DAPK2: variants seen among roughly 807,000 people sequenced by gnomAD.
DAPK2 encodes death associated protein kinase 2.
In DAPK2, 35 loss-of-function variants were observed where a neutral mutation model predicts 44.1. That is an observed-to-expected ratio of 0.79 (90% CI 0.61 to 1.05). The LOEUF is 1.05. DAPK2 is among the 50% of genes least tolerant of loss of function. The pLI is 0.00. For missense variants in DAPK2, 453 were observed against 483.2 expected (o/e 0.94, Z 0.59); for synonymous variants, 174 against 182.6 (o/e 0.95, Z 0.38).
intron 1 of DAPK2, among the ~76,000 whole-genome samples, chr15:63,994,250 G>C (rs1226673188): frequency 6.6e-6 from 1 of 152,130 alleles, no homozygotes; most frequent in Non-Finnish European, 1.5e-5. Flanking sequence ...GCCAGTGTTT[G>C]TAGAAATGAT....
intron 1 of DAPK2, among the ~76,000 whole-genome samples, chr15:64,026,772 T>C (rs577635780): frequency 6.6e-6 from 1 of 152,332 alleles, no homozygotes; most frequent in Non-Finnish European, 1.5e-5. Context: ...ATGTATACTC[T>C]ATTTCTCAGA....
chr15:64,033,270 AGGGGG>A (rs1567287375), intron 1 of DAPK2, among the ~76,000 whole-genome samples: 28 of 20,728 alleles, frequency 1.4e-3, no homozygotes, highest in Non-Finnish European at 3.2e-4. Flanking sequence ...GGGGAGGGGG[AGGGGG>A]AAGGGGGAAG....
Position 64,040,142 on chromosome 15 carries a change from T to TC in DAPK2, c.92+27dup, listed in dbSNP as rs779502816. 7 of 1,581,522 alleles carry TC rather than the reference T, an allele frequency of 4.4e-6. No homozygotes were observed. In the African/African-American group the frequency reaches 8.1e-5, roughly 18 times the overall value. On this transcript the variant is annotated intron_variant, in intron 1 of 10. Coordinates refer to ENST00000261891, the Ensembl canonical transcript of DAPK2. ...AAGCATGACTTTGGCTCCCTCGGCATCCCCCCACCTCTCACACAGTCTCCT... is the reference window on the plus strand; with the variant it reads ...AAGCATGACTTTGGCTCCCTCGGCATCCCCCCCACCTCTCACACAGTCTCCT...
chr15:64,006,895 C>A (rs140429757), intron 1 of DAPK2, among the ~76,000 whole-genome samples: 1 of 152,252 alleles, frequency 6.6e-6, no homozygotes, highest in Non-Finnish European at 1.5e-5. Flanking sequence ...AGGAAGTAGA[C>A]ATTATTCTTC....
chr15:64,002,679 C>T (rs932087859), intron 1 of DAPK2, among the ~76,000 whole-genome samples: 1 of 152,186 alleles, frequency 6.6e-6, no homozygotes, highest in Non-Finnish European at 1.5e-5. Context: ...AGGCCACACA[C>T]ATGCAAGGGA....
exon 2 of DAPK2, chr15:63,983,596 T>C (rs753691119): frequency 3.3e-5 from 54 of 1,614,088 alleles, no homozygotes; most frequent in Non-Finnish European, 4.4e-5. Context: ...GATGACATTG[T>C]GGTGCAGCAC....
At chr15:64,010,394 C>G (rs533235234) in intron 1 of DAPK2, among the ~76,000 whole-genome samples, 1 of 152,322 alleles carries the variant, frequency 6.6e-6, no homozygotes, top group African/African-American at 2.4e-5. Context: ...AATATAACAA[C>G]AGTATTGACT....
intron 1 of DAPK2, among the ~76,000 whole-genome samples, chr15:63,998,535 T>A (rs904206765): frequency 4.6e-5 from 7 of 152,166 alleles, no homozygotes; most frequent in Non-Finnish European, 1.5e-5. Context: ...AAGCCTCCTC[T>A]ATACACAGAG....
intron 4 of DAPK2, among the ~76,000 whole-genome samples, chr15:63,936,423 C>G (rs2077151307): frequency 6.6e-6 from 1 of 152,048 alleles, no homozygotes; most frequent in Non-Finnish European, 1.5e-5. Context: ...CCTGCCTGGC[C>G]AACATGGTGA....
intron 1 of DAPK2, among the ~76,000 whole-genome samples, chr15:64,027,289 C>T (rs896646380): frequency 3.9e-5 from 6 of 151,978 alleles, no homozygotes; most frequent in African/African-American, 1.2e-4. Flanking sequence ...GAGGCTGAGA[C>T]GGGAGAATCA....
intron 1 of DAPK2, among the ~76,000 whole-genome samples, chr15:63,985,211 G>A (rs2078636344): frequency 6.6e-6 from 1 of 152,150 alleles, no homozygotes; most frequent in South Asian, 2.1e-4. Context: ...AGGCTTTGTG[G>A]AGCCAAATTT....
chr15:63,987,043 G>A (rs1423638929), intron 1 of DAPK2, among the ~76,000 whole-genome samples: 1 of 152,208 alleles, frequency 6.6e-6, no homozygotes, highest in Non-Finnish European at 1.5e-5. Context: ...CATGATTTTT[G>A]CTTGAGGGGT....
chr15:64,014,937 A>G (rs2141040994), intron 1 of DAPK2, among the ~76,000 whole-genome samples: 1 of 152,284 alleles, frequency 6.6e-6, no homozygotes, highest in Non-Finnish European at 1.5e-5. Flanking sequence ...CAAAAAAAAA[A>G]AAAAAACATT....
intron 1 of DAPK2, among the ~76,000 whole-genome samples, chr15:63,994,412 AG>A (rs1381409459): frequency 4.0e-4 from 2 of 5,062 alleles, no homozygotes; most frequent in African/African-American, 9.0e-4. Context: ...TTAAAAGAAA[AG>A]GAAGGAAGGA....
intron 8 of DAPK2, among the ~76,000 whole-genome samples, chr15:63,914,517 CT>C (rs1281615040): frequency 4.6e-5 from 7 of 152,182 alleles, no homozygotes; most frequent in Admixed American, 1.3e-4. Flanking sequence ...TAGTCCCCCC[CT>C]GGAAGGGAGG....
chr15:64,021,915 G>C (rs2079694063), intron 1 of DAPK2, among the ~76,000 whole-genome samples: 1 of 152,178 alleles, frequency 6.6e-6, no homozygotes, highest in Non-Finnish European at 1.5e-5. Context: ...AGTATTGGGA[G>C]GTAAGTTTGG....
intron 1 of DAPK2, among the ~76,000 whole-genome samples, chr15:63,989,188 C>CAAAA (rs55972299): frequency 8.2e-5 from 9 of 109,820 alleles, no homozygotes; most frequent in Non-Finnish European, 1.1e-4. Flanking sequence ...ACTTTGTCTC[C>CAAAA]AAAAAAAAAA....
chr15:63,946,080 G>T (rs1373311143), intron 3 of DAPK2, among the ~76,000 whole-genome samples: 1 of 152,214 alleles, frequency 6.6e-6, no homozygotes, highest in African/African-American at 2.4e-5. Flanking sequence ...ATTCCCACAG[G>T]TGCCGCCACT....
chr15:63,983,193 C>T lies in DAPK2; in HGVS notation c.314+340G>A, dbSNP rs185537788. ...GCCCCACCCCACCATCTGTCCCACT[C>T]ACCCTCCCACATGCTTCTCCAGCCA... On this transcript the variant is annotated intron_variant, in intron 2 of 10. Coordinates refer to ENST00000261891, the Ensembl canonical transcript of DAPK2. Among the ~76,000 whole-genome samples, 163 of 152,306 alleles carry T rather than the reference C, an allele frequency of 1.1e-3. 1 individual carries two copies. The highest frequency in any genetic ancestry group is 3.7e-3 in the African/African-American group (153 of 41,570).
Sources: gnomAD v4.1 joint callset for allele counts (sites outside exome capture counted in the v4.1 genomes callset) on GRCh38, gnomAD v4.1.1 for gene constraint, MANE v1.5 for transcripts, NCBI Gene and HGNC (gene_info 2026-07-23, HGNC 2026-07-21) for gene names.